NPEPL1: variants seen among roughly 807,000 people sequenced by gnomAD.
NPEPL1 encodes aminopeptidase like 1.
Under a neutral mutation model 52.4 loss-of-function variants are expected in NPEPL1, and 45 were observed. The observed-to-expected ratio is 0.86, with a 90% CI of 0.68 to 1.10. The LOEUF is 1.10. Among genes scored for constraint, NPEPL1 ranks in the 50% least tolerant of loss-of-function variants. The pLI, the probability that NPEPL1 is intolerant of heterozygous loss-of-function variation, is 0.00. For synonymous variants in NPEPL1, 360 were observed against 314.7 expected (o/e 1.14, Z -1.52); for missense variants, 696 against 710.9 (o/e 0.98, Z 0.24).
chr20:58,693,400 TC>T, intron 1 of NPEPL1: 1 of 231,098 alleles, frequency 4.3e-6, no homozygotes, highest in Non-Finnish European at 8.4e-6. Flanking sequence ...CATGGCAGTG[TC>T]CCCAGCTGCC....
At chr20:58,691,201 A>G (rs1187075389), upstream of NPEPL1, 1 of 702,744 alleles carries the variant, frequency 1.4e-6, no homozygotes, top group Non-Finnish European at 2.6e-6. Flanking sequence ...CAAACAGAAA[A>G]AAGAGTGAGA....
rs998837057 is a variant in NPEPL1, at chr20:58,713,862, G to A, written c.1126-55G>A. 62 of 1,404,424 alleles carry A rather than the reference G, an allele frequency of 4.4e-5. No homozygotes were observed. Among genetic ancestry groups the A allele is most frequent in the Admixed American group, 3.3e-4 (10 of 30,568 alleles). 87.0% of individuals were successfully genotyped at this position (1,404,424 alleles called of 1,614,324 possible). A position where few individuals can be genotyped will look rare whatever the true frequency, so the allele number is the denominator to read the frequency against. On this transcript the variant is annotated intron_variant, in intron 9 of 11. Coordinates refer to ENST00000356091, the MANE Select transcript of NPEPL1 (RefSeq NM_024663.4). The surrounding 1 kb of genome is among the most constrained non-coding windows in gnomAD (Gnocchi z 4.6). Reference sequence around the variant, plus strand: ...GCCTCCCGGTCCCTCTTTTGCCTTGGGTGTTTCTCTCCTGCCGTCCCGTCC... The same window carrying A: ...GCCTCCCGGTCCCTCTTTTGCCTTGAGTGTTTCTCTCCTGCCGTCCCGTCC...
At position 58,698,732 on chromosome 20, in the gene NPEPL1, G is replaced by GAC; in HGVS notation, c.561_562dup (p.Pro188HisfsTer6). On this transcript the variant is annotated frameshift_variant, in exon 4 of 12. Transcript: ENST00000356091. LOFTEE classifies it high-confidence loss of function. ...CGTGCGGCTAGCAGCCCGCATCGTG[G>GAC]ACACACCCTGCAATGAGATGAACAC... The GAC allele has an allele frequency of 6.2e-7, 1 of 1,612,972 alleles. No individual in the cohort carries two copies. Among genetic ancestry groups the GAC allele is most frequent in the Non-Finnish European group, 8.5e-7 (1 of 1,179,846 alleles).
At chr20:58,701,185 G>A (rs1224309836) in intron 6 of NPEPL1, 27 bp downstream of exon 6, 17 of 1,474,756 alleles carry the variant, frequency 1.2e-5, no homozygotes, top group South Asian at 6.5e-5. Flanking sequence ...CTCTCAGGGT[G>A]CCCTGGGGGA....
At position 58,694,512 on chromosome 20, in the gene NPEPL1, C is replaced by T. The variant is rs761634929; in HGVS notation, c.427C>T (p.Arg143Cys). 49 of 1,613,996 alleles carry T rather than the reference C, an allele frequency of 3.0e-5. No homozygotes were observed. The highest frequency in any genetic ancestry group is 2.9e-4 in the East Asian group (13 of 44,882). Reference protein sequence around the residue: ...LFTHRSGASRRLEKKTVTVEF... With the variant: ...LFTHRSGASRCLEKKTVTVEF... ...CACCCACCGCTCAGGTGCCTCTCGG[C>T]GCTTGGAGAAGAAGACGGTCACCGT... is the stretch of plus-strand genomic sequence containing the variant. The change falls in exon 3 of 12, where the codon CGC becomes TGC. Residue 143 changes from arginine to cysteine, a missense_variant. Coordinates refer to ENST00000356091, the MANE Select transcript of NPEPL1 (RefSeq NM_024663.4).
upstream of NPEPL1, among the ~76,000 whole-genome samples, chr20:58,689,724 C>T (rs192488663): frequency 2.9e-3 from 438 of 152,312 alleles, 3 homozygotes; most frequent in African/African-American, 0.01. Flanking sequence ...CCTTCCCTAA[C>T]TCAATCTTCT....
rs1374507136 is a variant in NPEPL1, at chr20:58,713,310, G to A, written c.1002-110G>A. 3 of 1,396,812 alleles carry A rather than the reference G, an allele frequency of 2.1e-6. No homozygotes were observed. Among genetic ancestry groups the A allele is most frequent in the East Asian group, 5.1e-5 (2 of 39,502 alleles). The allele number at this position is 1,396,812 out of a possible 1,614,324, so 86.5% of individuals were successfully genotyped here. A position where few individuals can be genotyped will look rare whatever the true frequency, so the allele number is the denominator to read the frequency against. On this transcript the variant is annotated intron_variant, in intron 8 of 11. Coordinates refer to ENST00000356091, the MANE Select transcript of NPEPL1 (RefSeq NM_024663.4). This position sits in a 1 kb window ranked among gnomAD's most constrained non-coding sequence, Gnocchi z 4.6. ...ATTCAGGGAACGTGTTGGGGTTCGG[G>A]GAGCCACAGGGATGGGCAGCTCCAA...
Position 58,713,847 on chromosome 20 carries a change from C to T in NPEPL1, c.1126-70C>T. Reference sequence around the variant, plus strand: ...CTTATTTCTCTGTCTGCCTCCCGGTCCCTCTTTTGCCTTGGGTGTTTCTCT... The same window carrying T: ...CTTATTTCTCTGTCTGCCTCCCGGTTCCTCTTTTGCCTTGGGTGTTTCTCT... On this transcript the variant is annotated intron_variant, in intron 9 of 11. Coordinates refer to ENST00000356091, the MANE Select transcript of NPEPL1 (RefSeq NM_024663.4). The surrounding 1 kb of genome is among the most constrained non-coding windows in gnomAD (Gnocchi z 4.6). The T allele has an allele frequency of 1.4e-6, 2 of 1,381,016 alleles. No homozygotes were observed. The highest frequency in any genetic ancestry group is 2.9e-5 in the African/African-American group (2 of 68,076). 85.5% of individuals were successfully genotyped at this position (1,381,016 alleles called of 1,614,324 possible).
Position 58,694,491 on chromosome 20 carries a change from C to G in NPEPL1, c.406C>G (p.His136Asp). The change falls in exon 3 of 12, where the codon CAC becomes GAC. Residue 136 changes from histidine to aspartate, a missense_variant. Transcript: ENST00000356091. ...GGCCCGGGCCTTCCCGCTGTTCACC[C>G]ACCGCTCAGGTGCCTCTCGGCGCTT... ...ALARAFPLFTHRSGASRRLEK... is the reference protein window; with the variant it reads ...ALARAFPLFTDRSGASRRLEK... The G allele has an allele frequency of 6.2e-7, 1 of 1,614,026 alleles. No individual in the cohort carries two copies. Among genetic ancestry groups the G allele is most frequent in the Non-Finnish European group, 8.5e-7 (1 of 1,179,874 alleles).
chr20:58,691,562 G>C, upstream of NPEPL1: 4 of 643,312 alleles, frequency 6.2e-6, no homozygotes, highest in South Asian at 3.5e-5. Flanking sequence ...GGACAGGGAA[G>C]GTGAAAGCCT....
At chr20:58,702,662 G>A (rs1205762938) in intron 6 of NPEPL1, among the ~76,000 whole-genome samples, 1 of 152,152 alleles carries the variant, frequency 6.6e-6, no homozygotes, top group Non-Finnish European at 1.5e-5. Flanking sequence ...CATTTAAATT[G>A]ATCTTCTTTA....
chr20:58,710,032 C>CTTTT (rs59087368), intron 7 of NPEPL1, among the ~76,000 whole-genome samples: 1,761 of 109,308 alleles, frequency 0.016, 96 homozygotes, highest in African/African-American at 0.05. Flanking sequence ...TTGTTTGTGG[C>CTTTT]TTTTTTTTTT....
chr20:58,691,712 T>TTTTTTTTTG, upstream of NPEPL1: 1 of 692,990 alleles, frequency 1.4e-6, no homozygotes, highest in East Asian at 3.2e-5. Context: ...TTTTTTTTTT[T>TTTTTTTTTG]TTCATTTTTA....
intron 10 of NPEPL1, 85 bp downstream of exon 10, chr20:58,714,178 C>CTGA: frequency 1.4e-6 from 2 of 1,465,328 alleles, no homozygotes; most frequent in Non-Finnish European, 1.8e-6. Flanking sequence ...CTGGTGCACC[C>CTGA]AGGGAGCTGG....
At position 58,713,451 on chromosome 20, in the gene NPEPL1, G is replaced by T; in HGVS notation, c.1033G>T (p.Gly345Cys). The T allele has an allele frequency of 6.2e-7, 1 of 1,610,444 alleles. No homozygotes were observed. Among genetic ancestry groups the T allele is most frequent in the Non-Finnish European group, 8.5e-7 (1 of 1,178,566 alleles). The change falls in exon 9 of 12, where the codon GGC becomes TGC. Residue 345 changes from glycine to cysteine, a missense_variant. By Grantham distance (159) the Gly-to-Cys change is radical. Coordinates refer to ENST00000356091, the MANE Select transcript of NPEPL1 (RefSeq NM_024663.4). The surrounding 1 kb of genome is among the most constrained non-coding windows in gnomAD (Gnocchi z 4.6). ...GGAAATCAACAACACGGATGCCGAG[G>T]GCAGGCTGGTGCTGGCAGATGGCGT... ...TVEINNTDAE[G>C]RLVLADGVSY...
At chr20:58,693,680 C>T in intron 1 of NPEPL1, 57 bp from the exon 2 acceptor site, 1 of 1,513,594 alleles carries the variant, frequency 6.6e-7, no homozygotes, top group Non-Finnish European at 9.0e-7. Context: ...GGCAGGGCCT[C>T]CTGGCACGTG....
intron 7 of NPEPL1, chr20:58,711,710 C>T (rs1042335318): frequency 5.2e-5 from 8 of 152,902 alleles, no homozygotes; most frequent in African/African-American, 1.7e-4. Context: ...GCCCCTGCCC[C>T]ACCATCCCAA....
chr20:58,696,717 GGGTGTGTGCAA>G (rs2084499407), intron 3 of NPEPL1, among the ~76,000 whole-genome samples: 1 of 152,238 alleles, frequency 6.6e-6, no homozygotes, highest in Non-Finnish European at 1.5e-5. Flanking sequence ...AGGCACATCT[GGGTGTGTGCAA>G]GGTGGCATCT....
At chr20:58,712,821 G>A (rs767767973) in intron 8 of NPEPL1, 56 of 625,248 alleles carry the variant, frequency 9.0e-5, no homozygotes, top group Middle Eastern at 3.5e-4. Flanking sequence ...CCAGGAGCTC[G>A]TGGTCTACCC....
Sources: allele counts gnomAD v4.1 joint callset (sites outside exome capture counted in the v4.1 genomes callset), GRCh38; gene constraint gnomAD v4.1.1; non-coding constraint Gnocchi (gnomAD v3.1); transcripts MANE v1.5; gene names NCBI Gene and HGNC (gene_info 2026-07-23, HGNC 2026-07-21).